Variants in KCNIP3 observed in about 807,000 individuals in gnomAD.
KCNIP3 encodes potassium voltage-gated channel interacting protein 3.
KCNIP3 carries 28 observed loss-of-function variants against 35.0 expected under a neutral mutation model. The observed-to-expected ratio is 0.80, with a 90% CI of 0.59 to 1.10. The LOEUF (loss-of-function observed/expected upper bound fraction) is 1.10, where lower values mean the gene tolerates loss of function less well. Ranked by LOEUF, KCNIP3 falls within the 50% of genes least tolerant of loss-of-function variation. The pLI, the probability that KCNIP3 is intolerant of heterozygous loss-of-function variation, is 0.00. For synonymous variants in KCNIP3, 134 were observed against 133.8 expected, an observed-to-expected ratio of 1.00 and a Z score of -0.01; for missense variants, 295 against 338.4, an observed-to-expected ratio of 0.87 and a Z score of 1.01.
intron 2 of KCNIP3, chr2:95,346,649 G>A (rs927212620): frequency 6.9e-6 from 1 of 145,570 alleles, no homozygotes; most frequent in African/African-American, 2.5e-5. Context: ...GGGCTGGAGA[G>A]GGGGCGACAG....
intron 2 of KCNIP3, among the ~76,000 whole-genome samples, chr2:95,347,323 C>G (rs547140284): frequency 6.6e-6 from 1 of 152,316 alleles, no homozygotes; most frequent in South Asian, 2.1e-4. Context: ...AGCCGCAGCG[C>G]TTGGGCTGGG....
At chr2:95,315,157 C>A (rs1048325272) in intron 2 of KCNIP3, among the ~76,000 whole-genome samples, 3 of 151,984 alleles carry the variant, frequency 2.0e-5, no homozygotes, top group Non-Finnish European at 2.9e-5. Context: ...CCAGGGCAGG[C>A]CAGAGGGAAG....
At chr2:95,319,914 T>A (rs1375494895) in intron 2 of KCNIP3, among the ~76,000 whole-genome samples, 1 of 152,150 alleles carries the variant, frequency 6.6e-6, no homozygotes, top group African/African-American at 2.4e-5. Context: ...AGGTGGCCGT[T>A]GAGCCCCATC....
At chr2:95,356,786 G>A (rs1416475105) in intron 2 of KCNIP3, among the ~76,000 whole-genome samples, 1 of 152,162 alleles carries the variant, frequency 6.6e-6, no homozygotes, top group Admixed American at 6.5e-5. Flanking sequence ...GTAGCATGAC[G>A]CCTAGGAGGA....
intron 2 of KCNIP3, among the ~76,000 whole-genome samples, chr2:95,314,975 G>A (rs1678416113): frequency 6.6e-6 from 1 of 152,212 alleles, no homozygotes; most frequent in Admixed American, 6.5e-5. Flanking sequence ...AGTCTTCAGC[G>A]GGTCTCATCA....
At chr2:95,379,843 T>C (rs1680292559) in intron 5 of KCNIP3, among the ~76,000 whole-genome samples, 1 of 152,194 alleles carries the variant, frequency 6.6e-6, no homozygotes, top group South Asian at 2.1e-4. Flanking sequence ...TCTCTGAAAG[T>C]TTATAGGATC....
At chr2:95,362,796 G>T (rs1326148007) in intron 2 of KCNIP3, among the ~76,000 whole-genome samples, 1 of 152,146 alleles carries the variant, frequency 6.6e-6, no homozygotes, top group Non-Finnish European at 1.5e-5. Context: ...GACTAGTACT[G>T]GTCCTCGGCC....
chr2:95,339,469 A>G (rs774160807), intron 2 of KCNIP3, among the ~76,000 whole-genome samples: 50 of 152,120 alleles, frequency 3.3e-4, no homozygotes, highest in Non-Finnish European at 6.2e-4. Context: ...CTGTAATCCC[A>G]GCTACTTGGG....
At chr2:95,336,112 T>C (rs1453230720) in intron 2 of KCNIP3, among the ~76,000 whole-genome samples, 1 of 152,232 alleles carries the variant, frequency 6.6e-6, no homozygotes, top group Non-Finnish European at 1.5e-5. Context: ...TCACCCATGT[T>C]GTCAGGTTTG....
intron 2 of KCNIP3, chr2:95,355,255 G>A (rs1003281327): frequency 6.6e-6 from 1 of 152,240 alleles, no homozygotes; most frequent in African/African-American, 2.4e-5. Flanking sequence ...AGGACCCACT[G>A]CCCTGAGCTG....
Position 95,382,575 on chromosome 2 carries a change from T to C in KCNIP3, c.660+94T>C. 1.3e-6 allele frequency: 1 copy of C among 794,118 alleles called. No individual in the cohort carries two copies. The highest frequency in any genetic ancestry group is 1.8e-5 in the South Asian group (1 of 55,596). The allele number at this position is 794,118 out of a possible 1,614,324, so 49.2% of individuals were successfully genotyped here. A position where few individuals can be genotyped will look rare whatever the true frequency, so the allele number is the denominator to read the frequency against. ...ACCCCGGGCAAGTGGCTTGCCCCTC[T>C]GAGCCTCCCTACTCCCCATGAGGAG... On this transcript the variant is annotated intron_variant, in intron 7 of 8. Transcript: ENST00000295225. This position sits in a 1 kb window ranked among gnomAD's most constrained non-coding sequence, Gnocchi z 4.5.
chr2:95,329,181 G>A (rs1044796228), intron 2 of KCNIP3, among the ~76,000 whole-genome samples: 12 of 151,418 alleles, frequency 7.9e-5, no homozygotes, highest in Non-Finnish European at 7.4e-5. Context: ...GGAGTACTCC[G>A]TGCACAGTAA....
At position 95,384,280 on chromosome 2, in the gene KCNIP3, G is replaced by T; in HGVS notation, c.*231G>T. 1.8e-6 allele frequency: 1 copy of T among 552,864 alleles called. No individual in the cohort carries two copies. The highest frequency in any genetic ancestry group is 3.2e-6 in the Non-Finnish European group (1 of 309,222). 34.2% of individuals were successfully genotyped at this position (552,864 alleles called of 1,614,324 possible). ...GTCTGGCTAGGGGCCGAGTCCAGGA[G>T]CCCCAGCCAGCCCTTCCCAGGCCAG... On this transcript the variant is annotated 3_prime_UTR_variant, in exon 9 of 9. Coordinates refer to ENST00000295225, the MANE Select transcript of KCNIP3 (RefSeq NM_013434.5).
At chr2:95,325,826 T>TAC (rs1678745200) in intron 2 of KCNIP3, among the ~76,000 whole-genome samples, 2 of 128,520 alleles carry the variant, frequency 1.6e-5, no homozygotes, top group African/African-American at 6.2e-5. Context: ...CACATACACA[T>TAC]ACACTCATAC....
chr2:95,354,891 TA>T, intron 2 of KCNIP3: 1 of 152,774 alleles, frequency 6.5e-6, no homozygotes, highest in Middle Eastern at 3.4e-3. Context: ...GTGCCCTTTG[TA>T]AACTGCCAGT....
chr2:95,308,666 T>C (rs1221874648), intron 1 of KCNIP3, among the ~76,000 whole-genome samples: 2 of 152,066 alleles, frequency 1.3e-5, no homozygotes, highest in Admixed American at 6.6e-5. Context: ...TGGACGGGCA[T>C]GGCCAGGGCT....
chr2:95,375,157 C>A lies in KCNIP3; in HGVS notation c.396C>A (p.His132Gln), dbSNP rs987064565. The A allele has an allele frequency of 3.1e-6, 5 of 1,614,102 alleles. No homozygotes were observed. The highest frequency in any genetic ancestry group is 4.2e-6 in the Non-Finnish European group (5 of 1,180,032). ...FPQGDATTYA[H>Q]FLFNAFDADG... ...CCCCAGATGCCACCACCTATGCACA[C>A]TTCCTCTTCAACGCCTTTGATGCGG... Residue 132 changes from histidine to glutamine, a missense_variant, in exon 5 of 9, where the codon CAC (histidine) becomes CAA (glutamine). His to Gln is a conservative substitution (Grantham distance 24). Coordinates refer to ENST00000295225, the MANE Select transcript of KCNIP3 (RefSeq NM_013434.5).
At chr2:95,351,465 G>A (rs779450643) in intron 2 of KCNIP3, among the ~76,000 whole-genome samples, 4 of 152,242 alleles carry the variant, frequency 2.6e-5, no homozygotes, top group Non-Finnish European at 2.9e-5. Context: ...TGGGGCATGA[G>A]AGGAAGGGAG....
intron 2 of KCNIP3, among the ~76,000 whole-genome samples, chr2:95,325,839 A>G (rs983851582): frequency 7.7e-5 from 7 of 91,442 alleles, no homozygotes; most frequent in African/African-American, 3.8e-4. Flanking sequence ...ACTCATACAC[A>G]CTCATACACA....
Sources: gnomAD v4.1 joint callset for allele counts (sites outside exome capture counted in the v4.1 genomes callset) on GRCh38, gnomAD v4.1.1 for gene constraint, Gnocchi (gnomAD v3.1) non-coding constraint, MANE v1.5 for transcripts, NCBI Gene and HGNC (gene_info 2026-07-23, HGNC 2026-07-21) for gene names.